COX8A: variants seen among roughly 807,000 people sequenced by gnomAD.
COX8A encodes the protein cytochrome c oxidase subunit 8A, also known as cytochrome c oxidase subunit 8A, mitochondrial.
In COX8A, 6 loss-of-function variants were observed where a neutral mutation model predicts 4.4. That is an observed-to-expected ratio of 1.36 (90% CI 0.74 to 2.68). The LOEUF (loss-of-function observed/expected upper bound fraction) is 2.68. COX8A is among the 30% of genes most tolerant of loss of function. The pLI is 0.00. For synonymous variants in COX8A, 53 were observed against 47.1 expected, an observed-to-expected ratio of 1.12 and a Z score of -0.51; for missense variants, 72 against 89.6, an observed-to-expected ratio of 0.80 and a Z score of 0.79.
chr11:63,974,902 G>A, intron 1 of COX8A, 108 bp downstream of exon 1: 2 of 1,042,850 alleles, frequency 1.9e-6, no homozygotes, highest in Non-Finnish European at 2.7e-6. Context: ...GCGTAGCGGG[G>A]AGCAGCAGTG....
intron 1 of COX8A, among the ~76,000 whole-genome samples, chr11:63,975,645 G>A (rs901255634): frequency 5.3e-5 from 8 of 151,708 alleles, no homozygotes; most frequent in African/African-American, 1.2e-4. Flanking sequence ...GTGCGATCTC[G>A]GCTTACTGCA....
chr11:63,974,945 C>G lies in COX8A; in HGVS notation c.114+151C>G, dbSNP rs970295438. ...GGGCATGTCTGGAGGGCGCGAACGA[C>G]GGGGACAGTGCCCGGGCGACAGTCG... On this transcript the variant is annotated intron_variant, in intron 1 of 1. Transcript: ENST00000314133. 9 of 692,182 alleles carry G rather than the reference C, an allele frequency of 1.3e-5. No individual in the cohort carries two copies. In the African/African-American group the frequency reaches 1.7e-4, roughly 13 times the overall value. The allele number at this position is 692,182 out of a possible 1,614,324, so 42.9% of individuals were successfully genotyped here.
chr11:63,975,064 C>T lies in COX8A; in HGVS notation c.114+270C>T, dbSNP rs138759435. ...CTCCTGTCGCCTCCTCGCTGCGCCG[C>T]CTCCTGCCGACTTCTTTAGCCGCTC... is the stretch of plus-strand genomic sequence containing the variant. On this transcript the variant is annotated intron_variant, in intron 1 of 1. Coordinates refer to ENST00000314133, the MANE Select transcript of COX8A (RefSeq NM_004074.3). 4.3e-3 allele frequency among the ~76,000 whole-genome samples: 658 copies of T among 152,318 alleles called. 3 individuals are homozygous for T. The highest frequency in any genetic ancestry group is 7.9e-3 in the Non-Finnish European group (539 of 68,030).
Position 63,976,540 on chromosome 11 carries a change from T to C in COX8A, c.*220T>C. 1 of 557,008 alleles carries C rather than the reference T, an allele frequency of 1.8e-6. No homozygotes were observed. The highest frequency in any genetic ancestry group is 3.2e-6 in the Non-Finnish European group (1 of 310,132). 34.5% of individuals were successfully genotyped at this position (557,008 alleles called of 1,614,324 possible). ...TTGTAACAATAAAATCTATTTAAAC[T>C]TTACTTCAGAAATTCATTGTGCCTT... On this transcript the variant is annotated 3_prime_UTR_variant, in exon 2 of 2. Transcript: ENST00000314133.
rs1208486841 is a variant in COX8A at position 63,976,446 on chromosome 11, A to G, written c.*126A>G. On this transcript the variant is annotated 3_prime_UTR_variant, in exon 2 of 2. Transcript: ENST00000314133. ...TTCAATTCCAGTCACCTCTTCTGCA[A>G]TCATGACCTCTTGATGTCTCCATGG... 2 of 847,870 alleles carry G rather than the reference A, an allele frequency of 2.4e-6. No individual in the cohort carries two copies. Among genetic ancestry groups the G allele is most frequent in the African/African-American group, 1.7e-5 (1 of 60,112 alleles). 52.5% of individuals were successfully genotyped at this position (847,870 alleles called of 1,614,324 possible). A position where few individuals can be genotyped will look rare whatever the true frequency, so the allele number is the denominator to read the frequency against.
chr11:63,975,154 T>C (rs1414222555), intron 1 of COX8A, among the ~76,000 whole-genome samples: 1 of 152,186 alleles, frequency 6.6e-6, no homozygotes, highest in Non-Finnish European at 1.5e-5. Flanking sequence ...AAATGGTTGT[T>C]ACTGCTATTT....
Position 63,976,323 on chromosome 11 carries a change from G to T in COX8A, c.*3G>T, listed in dbSNP as rs749578372. ...AGACCTACAGGAGGCCAGAGTGAAGGGGTCCGTTCTGTCCCTCACACTGTG... is the reference window on the plus strand; with the variant it reads ...AGACCTACAGGAGGCCAGAGTGAAGTGGTCCGTTCTGTCCCTCACACTGTG... On this transcript the variant is annotated 3_prime_UTR_variant, in exon 2 of 2. Transcript: ENST00000314133. 6.2e-7 allele frequency: 1 copy of T among 1,613,956 alleles called. No homozygotes were observed. The highest frequency in any genetic ancestry group is 1.1e-5 in the South Asian group (1 of 91,070).
intron 1 of COX8A, 71 bp from the exon 2 acceptor site, chr11:63,976,154 G>A (rs1590771904): frequency 1.4e-6 from 2 of 1,437,666 alleles, no homozygotes; most frequent in Non-Finnish European, 2.0e-6. Context: ...TGCTGCCTGG[G>A]AACTGCAAGG....
Position 63,976,456 on chromosome 11 carries a change from C to G in COX8A, c.*136C>G. ...GTCACCTCTTCTGCAATCATGACCTCTTGATGTCTCCATGGTGACCTCCTT... is the reference window on the plus strand; with the variant it reads ...GTCACCTCTTCTGCAATCATGACCTGTTGATGTCTCCATGGTGACCTCCTT... On this transcript the variant is annotated 3_prime_UTR_variant, in exon 2 of 2. Coordinates refer to ENST00000314133, the MANE Select transcript of COX8A (RefSeq NM_004074.3). 1 of 773,634 alleles carries G rather than the reference C, an allele frequency of 1.3e-6. No homozygotes were observed. Among genetic ancestry groups the G allele is most frequent in the Non-Finnish European group, 2.2e-6 (1 of 460,280 alleles). 47.9% of individuals were successfully genotyped at this position (773,634 alleles called of 1,614,324 possible).
intron 1 of COX8A, 152 bp downstream of exon 1, chr11:63,974,946 G>C (rs1362841236): frequency 2.9e-6 from 2 of 688,530 alleles, no homozygotes; most frequent in Non-Finnish European, 4.7e-6. Flanking sequence ...CGCGAACGAC[G>C]GGGACAGTGC....
In COX8A at chr11:63,976,423, C is replaced by G; in HGVS notation, c.*103C>G. On this transcript the variant is annotated 3_prime_UTR_variant, in exon 2 of 2. Transcript: ENST00000314133. ...CCGGCCTCCCCTGGATCATGTCATT[C>G]AATTCCAGTCACCTCTTCTGCAATC... is the stretch of plus-strand genomic sequence containing the variant. The G allele has an allele frequency of 2.0e-6, 2 of 1,015,952 alleles. No individual in the cohort carries two copies. The highest frequency in any genetic ancestry group is 3.0e-6 in the Non-Finnish European group (2 of 655,796). 62.9% of individuals were successfully genotyped at this position (1,015,952 alleles called of 1,614,324 possible).
intron 1 of COX8A, among the ~76,000 whole-genome samples, chr11:63,975,952 C>T (rs1407617625): frequency 1.3e-5 from 2 of 152,188 alleles, no homozygotes; most frequent in Admixed American, 1.3e-4. Context: ...TGGTGCATTT[C>T]TCCCTGAACC....
chr11:63,975,385 G>C (rs563453738), intron 1 of COX8A, among the ~76,000 whole-genome samples: 11 of 151,774 alleles, frequency 7.2e-5, no homozygotes, highest in Non-Finnish European at 1.3e-4. Context: ...CACCATGTTG[G>C]CCAGGATGGT....
chr11:63,974,653 C>G lies in COX8A; in HGVS notation c.-28C>G, dbSNP rs756789173. On this transcript the variant is annotated 5_prime_UTR_variant, in exon 1 of 2. Transcript: ENST00000314133. ...TTCCTGACCTTGGGCTACGGCTGAC[C>G]GTTTTTTGTGGTGTACTCCGTGCCA... 1 of 1,580,482 alleles carries G rather than the reference C, an allele frequency of 6.3e-7. No individual in the cohort carries two copies. Among genetic ancestry groups the G allele is most frequent in the Non-Finnish European group, 8.6e-7 (1 of 1,161,440 alleles).
At position 63,974,698 on chromosome 11, in the gene COX8A, G is replaced by A; in HGVS notation, c.18G>A (p.Pro6=). ...GTGCCATCATGTCCGTCCTGACGCC[G>A]CTGCTGCTGCGGGGCTTGACAGGCT... The part of the protein sequence containing the change: MSVLT[P]LLLRGLTGSA... The change falls in exon 1 of 2, where the codon CCG becomes CCA. Residue 6 remains proline (P), a synonymous_variant. Transcript: ENST00000314133. 6.2e-7 allele frequency: 1 copy of A among 1,608,840 alleles called. No homozygotes were observed. Among genetic ancestry groups the A allele is most frequent in the African/African-American group, 1.3e-5 (1 of 74,974 alleles).
At chr11:63,976,199 T>C in intron 1 of COX8A, 26 bp from the exon 2 acceptor site, 1 of 1,604,648 alleles carries the variant, frequency 6.2e-7, no homozygotes, top group Non-Finnish European at 8.5e-7. Context: ...GACTCCGAGG[T>C]GCCTTCTTTC....
intron 1 of COX8A, 99 bp downstream of exon 1, chr11:63,974,893 C>A: frequency 8.8e-7 from 1 of 1,133,308 alleles, no homozygotes; most frequent in Non-Finnish European, 1.2e-6. Flanking sequence ...CGCCCCGCAG[C>A]GTAGCGGGGA....
chr11:63,975,146 A>G (rs1330013572), intron 1 of COX8A, among the ~76,000 whole-genome samples: 1 of 152,096 alleles, frequency 6.6e-6, no homozygotes. Flanking sequence ...AGCGACGAAA[A>G]TGGTTGTTAC....
In COX8A at chr11:63,974,811, G is replaced by A. The variant is rs373910843; in HGVS notation, c.114+17G>A. 77 of 1,577,942 alleles carry A rather than the reference G, an allele frequency of 4.9e-5. No individual in the cohort carries two copies. In the African/African-American group the frequency reaches 8.5e-4, roughly 17 times the overall value. ...GGGATCATGGTGAGGAACGGGCCTG[G>A]AAGAGCGCGGGAGGCGCCGTGGGCT... On this transcript the variant is annotated intron_variant, in intron 1 of 1. Coordinates refer to ENST00000314133, the MANE Select transcript of COX8A (RefSeq NM_004074.3).
Sources: allele counts gnomAD v4.1 joint callset (sites outside exome capture counted in the v4.1 genomes callset), GRCh38; gene constraint gnomAD v4.1.1; transcripts MANE v1.5; gene names NCBI Gene and HGNC (gene_info 2026-07-23, HGNC 2026-07-21).